Variants in MTCH2 observed in about 807,000 individuals in gnomAD.
MTCH2 encodes the protein mitochondrial carrier 2.
A neutral mutation model predicts 50.6 loss-of-function variants in MTCH2; 25 were observed. The observed-to-expected ratio is 0.49, with a 90% CI of 0.36 to 0.69. MTCH2 has a LOEUF of 0.69. Ranked by LOEUF, MTCH2 falls within the 30% of genes least tolerant of loss-of-function variation. The probability of loss-of-function intolerance (pLI) is 0.00; values close to 1 mark genes in which losing one functional copy is unlikely to be tolerated. For missense variants in MTCH2, 273 were observed against 384.4 expected (o/e 0.71, Z 2.42); for synonymous variants, 106 against 132.0 (o/e 0.80, Z 1.35).
intron 11 of MTCH2, among the ~76,000 whole-genome samples, chr11:47,625,331 G>A (rs1225228893): frequency 6.6e-6 from 1 of 150,730 alleles, no homozygotes; most frequent in African/African-American, 2.4e-5. Context: ...GCTGAGGCGG[G>A]ACAATCACTT....
At chr11:47,624,009 G>A (rs1363742837) in intron 11 of MTCH2, among the ~76,000 whole-genome samples, 2 of 151,688 alleles carry the variant, frequency 1.3e-5, no homozygotes, top group African/African-American at 4.9e-5. Context: ...CCAAGATCGC[G>A]CCACCACAAT....
the MTCH2 span, among the ~76,000 whole-genome samples, chr11:47,606,695 CCATGCCCA>C: frequency 1.3e-5 from 2 of 152,180 alleles, no homozygotes; most frequent in Non-Finnish European, 2.9e-5. Flanking sequence ...TCCATTCATC[CCATGCCCA>C]CATGCCCTTC....
chr11:47,625,102 A>G (rs1304449717), intron 11 of MTCH2, among the ~76,000 whole-genome samples: 1 of 151,820 alleles, frequency 6.6e-6, no homozygotes. Context: ...AACAAAAACA[A>G]AAACAAAAAC....
rs112393607 is a variant in MTCH2 at position 47,622,834 on chromosome 11, G to A, written c.750-58C>T. 2,893 of 1,036,730 alleles carry A rather than the reference G, an allele frequency of 2.8e-3. 10 individuals carry two copies. The highest frequency in any genetic ancestry group is 0.011 in the Middle Eastern group (51 of 4,562). 64.2% of individuals were successfully genotyped at this position (1,036,730 alleles called of 1,614,324 possible). A position where few individuals can be genotyped will look rare whatever the true frequency, so the allele number is the denominator to read the frequency against. On this transcript the variant is annotated intron_variant, in intron 11 of 12. Coordinates refer to ENST00000302503, the MANE Select transcript of MTCH2 (RefSeq NM_014342.4). ...TTAATATTAACCATTCTCTTGAGAC[G>A]TTGATAAACCTTGTCAAAATATTCT...
intron 1 of MTCH2, among the ~76,000 whole-genome samples, chr11:47,641,998 TG>T (rs1565979486): frequency 6.6e-6 from 1 of 152,182 alleles, no homozygotes; most frequent in Admixed American, 6.6e-5. Context: ...TCTGAGATTT[TG>T]GGGGGAGTAG....
At chr11:47,608,897 G>T in the MTCH2 span, among the ~76,000 whole-genome samples, 1 of 146,906 alleles carries the variant, frequency 6.8e-6, no homozygotes, top group Non-Finnish European at 1.5e-5. Context: ...GGCGGAGCTT[G>T]CAGTGAGCCG....
At chr11:47,626,904 C>T (rs1016457343) in intron 10 of MTCH2, among the ~76,000 whole-genome samples, 176 bp downstream of exon 10, 7 of 152,142 alleles carry the variant, frequency 4.6e-5, no homozygotes, top group Non-Finnish European at 1.0e-4. Context: ...TGAGCCATGG[C>T]GCCTGGCCGA....
In MTCH2 at chr11:47,630,469, A is replaced by C. The variant is rs1008896694; in HGVS notation, c.539+86T>G. 4.2e-6 allele frequency: 5 copies of C among 1,176,754 alleles called. 1 individual carries two copies. The African/African-American group carries it at 7.6e-5, about 18-fold the overall frequency. The allele number at this position is 1,176,754 out of a possible 1,614,324, so 72.9% of individuals were successfully genotyped here. A position where few individuals can be genotyped will look rare whatever the true frequency, so the allele number is the denominator to read the frequency against. ...AAGCCCAGGGAGTACGTTTTCCCCA[A>C]GGATTAAACAAAGACTCACTATTCT... On this transcript the variant is annotated intron_variant, in intron 8 of 12. Coordinates refer to ENST00000302503, the MANE Select transcript of MTCH2 (RefSeq NM_014342.4).
intron 1 of MTCH2, among the ~76,000 whole-genome samples, 185 bp downstream of exon 1, chr11:47,642,194 C>A (rs916348937): frequency 1.3e-5 from 2 of 152,030 alleles, no homozygotes; most frequent in Non-Finnish European, 2.9e-5. Flanking sequence ...GAGGGCTCGG[C>A]GAGGCCCCCA....
downstream of MTCH2, among the ~76,000 whole-genome samples, chr11:47,614,074 A>AAAC (rs1565957512): frequency 6.6e-6 from 1 of 151,296 alleles, no homozygotes; most frequent in Non-Finnish European, 1.5e-5. Flanking sequence ...CCTTGTCTCA[A>AAAC]AAACAAACAA....
At chr11:47,621,725 G>A (rs2097293428) in intron 12 of MTCH2, among the ~76,000 whole-genome samples, 1 of 151,884 alleles carries the variant, frequency 6.6e-6, no homozygotes, top group African/African-American at 2.4e-5. Flanking sequence ...GTGAGCCACT[G>A]CACCTGGCCT....
chr11:47,623,377 A>T lies in MTCH2; in HGVS notation c.750-601T>A, dbSNP rs868481772. On this transcript the variant is annotated intron_variant, in intron 11 of 12. Transcript: ENST00000302503. ...ACAGAGTAAGAACCAGTCTTTTTTT[A>T]AAAAAAAAAAAAAAAAAAAAGAGCA... Among the ~76,000 whole-genome samples the T allele has an allele frequency of 4.7e-3, 686 of 144,780 alleles. 5 individuals are homozygous for T. Among genetic ancestry groups the T allele is most frequent in the African/African-American group, 0.017 (666 of 39,520 alleles). The allele number at this position is 144,780 out of a possible 152,430, so 95.0% of individuals were successfully genotyped here.
chr11:47,621,127 T>C (rs2097292815), intron 12 of MTCH2, among the ~76,000 whole-genome samples: 1 of 152,214 alleles, frequency 6.6e-6, no homozygotes, highest in East Asian at 1.9e-4. Flanking sequence ...AAATGCACAA[T>C]GTTCATAGTA....
downstream of MTCH2, among the ~76,000 whole-genome samples, chr11:47,613,135 A>G (rs889561057): frequency 6.6e-6 from 1 of 151,832 alleles, no homozygotes; most frequent in Non-Finnish European, 1.5e-5. Flanking sequence ...CTCAAACTCC[A>G]GAACTCAAGT....
chr11:47,614,152 C>T (rs1372045719), downstream of MTCH2, among the ~76,000 whole-genome samples: 6 of 151,304 alleles, frequency 4.0e-5, no homozygotes, highest in Non-Finnish European at 5.9e-5. Context: ...ATAGCCTCCA[C>T]GAAAGAATAA....
chr11:47,631,856 G>A (rs2097303392), intron 5 of MTCH2, 145 bp from the exon 6 acceptor site: 5 of 708,478 alleles, frequency 7.1e-6, no homozygotes. Flanking sequence ...AGAAGAGTTT[G>A]AATGGGATGT....
At position 47,625,722 on chromosome 11, in the gene MTCH2, G is replaced by A; in HGVS notation, c.701C>T (p.Thr234Ile). The change falls in exon 11 of 13, where the codon ACC (threonine) becomes ATC (isoleucine). Residue 234 changes from threonine (T) to isoleucine (I), a missense_variant. This residue lies in a region of MTCH2 where 70 missense variants were observed against 140.1 expected (regional missense o/e 0.50). Coordinates refer to ENST00000302503, the MANE Select transcript of MTCH2 (RefSeq NM_014342.4). Reference protein sequence around the residue: ...AVTGFFASMLTYPFVLVSNLM... With the variant: ...AVTGFFASMLIYPFVLVSNLM... ...ATTGGAGACAAGCACAAAGGGATAG[G>A]TCAACATACTCGCAAAAAACTGTAA... 6.2e-7 allele frequency: 1 copy of A among 1,613,274 alleles called. No homozygotes were observed. The highest frequency in any genetic ancestry group is 8.5e-7 in the Non-Finnish European group (1 of 1,179,348).
the MTCH2 span, among the ~76,000 whole-genome samples, chr11:47,609,552 G>A: frequency 7.4e-5 from 11 of 149,258 alleles, no homozygotes; most frequent in East Asian, 1.8e-3. Flanking sequence ...ACTTGAACCC[G>A]GGAGACGGAG....
At chr11:47,634,373 C>T (rs1211181950) in intron 5 of MTCH2, among the ~76,000 whole-genome samples, 2 of 152,006 alleles carry the variant, frequency 1.3e-5, no homozygotes, top group South Asian at 2.1e-4. Flanking sequence ...AGCCACCACA[C>T]CTGGCCTATT....
Sources: gnomAD v4.1 joint callset for allele counts (sites outside exome capture counted in the v4.1 genomes callset) on GRCh38, gnomAD v4.1.1 for gene constraint, gnomAD v4.1.1 regional missense constraint, MANE v1.5 for transcripts, NCBI Gene and HGNC (gene_info 2026-07-23, HGNC 2026-07-21) for gene names.